MAP3K2: variants seen among roughly 807,000 people sequenced by gnomAD.
MAP3K2 encodes mitogen-activated protein kinase kinase kinase 2, also known as MAP/ERK kinase kinase 2.
A neutral mutation model predicts 80.3 loss-of-function variants in MAP3K2; 24 were observed. That is an observed-to-expected ratio of 0.30 (90% CI 0.22 to 0.42). The LOEUF (loss-of-function observed/expected upper bound fraction) is 0.42, where lower values mean the gene tolerates loss of function less well. Ranked by LOEUF, MAP3K2 falls within the 10% of genes least tolerant of loss-of-function variation. MAP3K2 has a pLI of 1.00. For missense variants in MAP3K2, 608 were observed against 750.1 expected, an observed-to-expected ratio of 0.81 and a Z score of 2.21; for synonymous variants, 244 against 253.7, an observed-to-expected ratio of 0.96 and a Z score of 0.36.
chr2:127,383,874 A>ATT lies in MAP3K2; in HGVS notation c.-66+3576_-66+3577dup, dbSNP rs111243354. 5.2e-3 allele frequency among the ~76,000 whole-genome samples: 730 copies of ATT among 141,358 alleles called. 6 individuals are homozygous for ATT. The highest frequency in any genetic ancestry group is 6.4e-3 in the Non-Finnish European group (425 of 66,006). 92.7% of individuals were successfully genotyped at this position (141,358 alleles called of 152,430 possible). A position where few individuals can be genotyped will look rare whatever the true frequency, so the allele number is the denominator to read the frequency against. On this transcript the variant is annotated intron_variant, in intron 1 of 16. Transcript: ENST00000682094. ...TCTAGCATTTTTTTGGCAACAAATAATTTTTTTTTTTTTTTTTGAGATGGA... is the reference window on the plus strand; with the variant it reads ...TCTAGCATTTTTTTGGCAACAAATAATTTTTTTTTTTTTTTTTTTGAGATGGA...
rs1268952567 is a variant in MAP3K2, at chr2:127,369,360, C to T, written c.-66+18092G>A. The stretch of plus-strand genomic sequence containing the variant: ...AAAACAGCAAATAATAGGCTGGGCG[C>T]GGTGGCTCACGCCTGTAATCCCAGC... On this transcript the variant is annotated intron_variant, in intron 1 of 16. Coordinates refer to ENST00000682094, the MANE Select transcript of MAP3K2 (RefSeq NM_001371910.2). Among the ~76,000 whole-genome samples the T allele has an allele frequency of 3.4e-5, 5 of 145,158 alleles. 1 individual carries two copies. Among genetic ancestry groups the T allele is most frequent in the Admixed American group, 1.4e-4 (2 of 14,442 alleles).
intron 1 of MAP3K2, among the ~76,000 whole-genome samples, chr2:127,376,856 A>C (rs1687161672): frequency 6.6e-6 from 1 of 152,146 alleles, no homozygotes; most frequent in South Asian, 2.1e-4. Context: ...GCTTGAGCCC[A>C]GGTGTTCAAG....
intron 1 of MAP3K2, among the ~76,000 whole-genome samples, chr2:127,359,434 ACATCT>A (rs1686848619): frequency 2.0e-5 from 3 of 152,246 alleles, no homozygotes; most frequent in South Asian, 2.1e-4. Flanking sequence ...ATTTGAAAAG[ACATCT>A]CATCAACATC....
At chr2:127,330,789 T>C (rs1046184713) in intron 5 of MAP3K2, among the ~76,000 whole-genome samples, 2 of 152,342 alleles carry the variant, frequency 1.3e-5, no homozygotes, top group African/African-American at 4.8e-5. Flanking sequence ...TTCCATAATA[T>C]TGCTAAATTT....
chr2:127,385,129 T>C (rs1006123523), intron 1 of MAP3K2, among the ~76,000 whole-genome samples: 3 of 152,254 alleles, frequency 2.0e-5, no homozygotes, highest in African/African-American at 7.2e-5. Context: ...AAATGTTCTA[T>C]GGTGAGTAAA....
chr2:127,337,285 C>T (rs1686392751), intron 4 of MAP3K2, among the ~76,000 whole-genome samples: 1 of 152,106 alleles, frequency 6.6e-6, no homozygotes, highest in African/African-American at 2.4e-5. Flanking sequence ...AATTTGCAGC[C>T]ACTAGTCCAA....
chr2:127,344,997 TG>T (rs1296853040), intron 1 of MAP3K2, among the ~76,000 whole-genome samples: 1 of 152,080 alleles, frequency 6.6e-6, no homozygotes, highest in Admixed American at 6.5e-5. Context: ...CCCGAGTAGA[TG>T]GGACTACAGG....
At chr2:127,351,942 T>C (rs765045796) in intron 1 of MAP3K2, among the ~76,000 whole-genome samples, 21 of 152,028 alleles carry the variant, frequency 1.4e-4, no homozygotes, top group Non-Finnish European at 3.1e-4. Flanking sequence ...AGTGGCACAA[T>C]CATGGCTCGC....
chr2:127,377,048 G>A (rs932731737), intron 1 of MAP3K2, among the ~76,000 whole-genome samples: 13 of 150,908 alleles, frequency 8.6e-5, no homozygotes, highest in Non-Finnish European at 1.8e-4. Context: ...ATGATAGAGC[G>A]AGATCCTGTC....
intron 5 of MAP3K2, among the ~76,000 whole-genome samples, chr2:127,334,091 C>T (rs548691608): frequency 6.6e-6 from 1 of 152,116 alleles, no homozygotes; most frequent in African/African-American, 2.4e-5. Flanking sequence ...CAGAGTGAAA[C>T]CTCGTCTCAC....
chr2:127,354,042 C>T (rs1393365909), intron 1 of MAP3K2, among the ~76,000 whole-genome samples: 3 of 151,864 alleles, frequency 2.0e-5, no homozygotes, highest in Non-Finnish European at 4.4e-5. Context: ...TGCTTGAAGG[C>T]AACAGGCTCG....
chr2:127,369,202 G>C (rs12989154), intron 1 of MAP3K2, among the ~76,000 whole-genome samples: 56,103 of 149,034 alleles, frequency 0.38, 11,247 homozygotes, highest in East Asian at 0.61. Context: ...TGCCCGCCTC[G>C]GCCTCCCAAA....
intron 11 of MAP3K2, among the ~76,000 whole-genome samples, chr2:127,323,424 C>G (rs1042135476): frequency 7.2e-5 from 11 of 151,778 alleles, no homozygotes; most frequent in Non-Finnish European, 1.3e-4. Flanking sequence ...GTGGCTCACA[C>G]CTGTAATCCC....
In MAP3K2 at chr2:127,323,929, A is replaced by C; in HGVS notation, c.811T>G (p.Ser271Ala). ...GGTYPRRYHV[S>A]YHHQEYNDGR... ...TCATTATACTCTTGATGATGATATGAAACATGATACCTTCTTGGATATGTT... is the reference window on the plus strand; with the variant it reads ...TCATTATACTCTTGATGATGATATGCAACATGATACCTTCTTGGATATGTT... Residue 271 changes from serine to alanine, a missense_variant, in exon 11 of 17, where the codon TCA becomes GCA. Physicochemically the swap from Ser to Ala is moderately conservative, Grantham distance 99 (BLOSUM62 1). This residue lies in a region of MAP3K2 where 467 missense variants were observed against 521.9 expected (regional missense o/e 0.89). Coordinates refer to ENST00000682094, the MANE Select transcript of MAP3K2 (RefSeq NM_001371910.2). 1 of 1,557,218 alleles carries C rather than the reference A, an allele frequency of 6.4e-7. No individual in the cohort carries two copies. Among genetic ancestry groups the C allele is most frequent in the East Asian group, 2.3e-5 (1 of 44,256 alleles).
At chr2:127,346,786 G>A (rs917946807) in intron 1 of MAP3K2, among the ~76,000 whole-genome samples, 15 of 151,956 alleles carry the variant, frequency 9.9e-5, no homozygotes, top group South Asian at 2.1e-4. Flanking sequence ...TCAGGAGTTC[G>A]AAATCAGCCT....
chr2:127,329,777 T>G, intron 7 of MAP3K2, 144 bp downstream of exon 7: 1 of 579,768 alleles, frequency 1.7e-6, no homozygotes, highest in Non-Finnish European at 3.0e-6. Flanking sequence ...ACGTCAAATA[T>G]TAGAGTGTAT....
rs1019302101 is a variant in MAP3K2 at position 127,306,110 on chromosome 2, C to T, written c.*1469G>A. 1.3e-5 allele frequency: 2 copies of T among 152,112 alleles called. No individual in the cohort carries two copies. Among genetic ancestry groups the T allele is most frequent in the African/African-American group, 4.8e-5 (2 of 41,426 alleles). The allele number at this position is 152,112 out of a possible 1,614,324, so 9.4% of individuals were successfully genotyped here. ...TTGCTGTTTGTTGAGATTATTCACC[C>T]TTGACTTAAAGCAGCAGTATCTGAT... On this transcript the variant is annotated 3_prime_UTR_variant, in exon 17 of 17. Transcript: ENST00000682094. The surrounding 1 kb of genome is among the most constrained non-coding windows in gnomAD (Gnocchi z 4.7).
intron 9 of MAP3K2, 95 bp from the exon 10 acceptor site, chr2:127,324,336 CTGTA>C (rs1430534291): frequency 1.3e-5 from 9 of 696,922 alleles, no homozygotes; most frequent in South Asian, 2.2e-5. Flanking sequence ...CTGTGCCTCT[CTGTA>C]TGTGTTTGTG....
chr2:127,307,371 T>C lies in MAP3K2; in HGVS notation c.*208A>G, dbSNP rs2104802367. On this transcript the variant is annotated 3_prime_UTR_variant, in exon 17 of 17. Transcript: ENST00000682094. The surrounding 1 kb of genome is among the most constrained non-coding windows in gnomAD (Gnocchi z 5.4). The stretch of plus-strand genomic sequence containing the variant: ...AAAAATTAAAAAAAAAAACTTCAAG[T>C]TCTTGTAAGGGAAAAAAAGATTAAA... 1 of 338,648 alleles carries C rather than the reference T, an allele frequency of 3.0e-6. No homozygotes were observed. The highest frequency in any genetic ancestry group is 8.6e-5 in the South Asian group (1 of 11,620). The allele number at this position is 338,648 out of a possible 1,614,324, so 21.0% of individuals were successfully genotyped here.
Sources: gnomAD v4.1 joint callset for allele counts (sites outside exome capture counted in the v4.1 genomes callset) on GRCh38, gnomAD v4.1.1 for gene constraint, gnomAD v4.1.1 regional missense constraint, Gnocchi (gnomAD v3.1) non-coding constraint, MANE v1.5 for transcripts, NCBI Gene and HGNC (gene_info 2026-07-23, HGNC 2026-07-21) for gene names.